GALR1: variants seen among roughly 807,000 people sequenced by gnomAD.
The protein encoded by GALR1 is galanin receptor 1, also known as galanin receptor type 1.
Under a neutral mutation model 17.9 loss-of-function variants are expected in GALR1, and 11 were observed. The ratio of observed to expected loss-of-function variants is 0.62; its 90% CI spans 0.39 to 1.02. The LOEUF is 1.02. GALR1 is among the 50% of genes least tolerant of loss of function. The pLI is 0.01. For missense variants in GALR1, 441 were observed against 456.9 expected, an observed-to-expected ratio of 0.97 and a Z score of 0.32; for synonymous variants, 206 against 205.7, an observed-to-expected ratio of 1.00 and a Z score of -0.01.
chr18:77,250,682 C>A lies in GALR1; in HGVS notation c.134C>A (p.Ala45Glu), dbSNP rs1912383078. The A allele has an allele frequency of 6.2e-7, 1 of 1,613,022 alleles. No homozygotes were observed. The highest frequency in any genetic ancestry group is 8.5e-7 in the Non-Finnish European group (1 of 1,179,860). The change falls in exon 1 of 3, where the codon GCG (alanine) becomes GAG (glutamate). Residue 45 changes from alanine (A) to glutamate (E), a missense_variant. Ala to Glu is a moderately radical substitution (Grantham distance 107, BLOSUM62 -1). Coordinates refer to ENST00000299727, the MANE Select transcript of GALR1 (RefSeq NM_001480.4). ...VTLVVFGLIF[A>E]LGVLGNSLVI... Reference sequence around the variant, plus strand: ...CTGGTGGTGTTCGGCCTGATCTTCGCGCTGGGTGTGCTGGGCAACAGCCTA... The same window carrying A: ...CTGGTGGTGTTCGGCCTGATCTTCGAGCTGGGTGTGCTGGGCAACAGCCTA...
Position 77,251,031 on chromosome 18 carries a change from G to A in GALR1, c.483G>A (p.Ala161=), listed in dbSNP as rs775956222. Residue 161 remains alanine, a synonymous_variant, in exon 1 of 3, where the codon GCG becomes GCA. Transcript: ENST00000299727. ...NALLGVGCIW[A]LSIAMASPVA... The stretch of plus-strand genomic sequence containing the variant: ...TGCTGGGCGTGGGCTGCATCTGGGC[G>A]CTGTCCATTGCCATGGCCTCGCCCG... 3.1e-6 allele frequency: 5 copies of A among 1,605,808 alleles called. No homozygotes were observed. In the South Asian group the frequency reaches 5.5e-5, roughly 18 times the overall value.
intron 2 of GALR1, among the ~76,000 whole-genome samples, 167 bp downstream of exon 2, chr18:77,256,390 C>G (rs563078544): frequency 6.6e-6 from 1 of 152,036 alleles, no homozygotes; most frequent in Non-Finnish European, 1.5e-5. Context: ...AATGGAGGGT[C>G]GGCCTTGGCA....
rs72978695 is a variant in GALR1 at position 77,255,245 on chromosome 18, C to G, written c.667-913C>G. Among the ~76,000 whole-genome samples the G allele has an allele frequency of 7.4e-3, 1,129 of 152,330 alleles. 9 individuals are homozygous for G. The highest frequency in any genetic ancestry group is 0.014 in the South Asian group (66 of 4,828). On this transcript the variant is annotated intron_variant, in intron 1 of 2. Transcript: ENST00000299727. The stretch of plus-strand genomic sequence containing the variant: ...GCAATGAACTTAAGTGACAGTTCTG[C>G]AGGCTTGACAACGTTGTCTAAGACC...
intron 2 of GALR1, among the ~76,000 whole-genome samples, chr18:77,262,595 T>C (rs2144963426): frequency 6.6e-6 from 1 of 152,332 alleles, no homozygotes; most frequent in East Asian, 1.9e-4. Flanking sequence ...CCTGTTTGCA[T>C]GGAGTTGGCT....
At position 77,250,136 on chromosome 18, in the gene GALR1, G is replaced by T. The variant is rs557416889; in HGVS notation, c.-413G>T. Among the ~76,000 whole-genome samples the T allele has an allele frequency of 1.6e-4, 25 of 152,196 alleles. No individual in the cohort carries two copies. Among genetic ancestry groups the T allele is most frequent in the Admixed American group, 1.6e-3 (24 of 15,290 alleles). On this transcript the variant is annotated 5_prime_UTR_variant, in exon 1 of 3. An upstream open reading frame in the 5' UTR gains an earlier in-frame stop. Coordinates refer to ENST00000299727, the MANE Select transcript of GALR1 (RefSeq NM_001480.4). ...CAGGTGCAGCACGCAGCCCCTCCGG[G>T]AGCCAGGGAAAACCGCCGGCGAAGA...
rs1252187180 is a variant in GALR1 at position 77,276,981 on chromosome 18, C to T, written c.*8079C>T. Reference sequence around the variant, plus strand: ...GCACCTATGCATTCAATTTGTTTCCCTCAAATGCTAAGGGTTAAAATAGTA... The same window carrying T: ...GCACCTATGCATTCAATTTGTTTCCTTCAAATGCTAAGGGTTAAAATAGTA... On this transcript the variant is annotated 3_prime_UTR_variant, in exon 3 of 3. Transcript: ENST00000299727. 3 of 152,086 alleles carry T rather than the reference C, an allele frequency of 2.0e-5. No individual in the cohort carries two copies. In the East Asian group the frequency reaches 5.8e-4, roughly 29 times the overall value. 9.4% of individuals were successfully genotyped at this position (152,086 alleles called of 1,614,324 possible).
rs1016207776 is a variant in GALR1, at chr18:77,277,447, C to T, written c.*8545C>T. 41 of 152,374 alleles carry T rather than the reference C, an allele frequency of 2.7e-4. No individual in the cohort carries two copies. Among genetic ancestry groups the T allele is most frequent in the African/African-American group, 9.4e-4 (39 of 41,564 alleles). 9.4% of individuals were successfully genotyped at this position (152,374 alleles called of 1,614,324 possible). A position where few individuals can be genotyped will look rare whatever the true frequency, so the allele number is the denominator to read the frequency against. On this transcript the variant is annotated 3_prime_UTR_variant, in exon 3 of 3. Transcript: ENST00000299727. ...ACATTCTCTCTTCGCCTGCTGCCAT[C>T]CATGTAAGATGTGACTTGCTCCTCC... is the stretch of plus-strand genomic sequence containing the variant.
intron 1 of GALR1, among the ~76,000 whole-genome samples, chr18:77,252,588 G>T (rs979705704): frequency 6.6e-6 from 1 of 152,038 alleles, no homozygotes; most frequent in Non-Finnish European, 1.5e-5. Context: ...TAAATATGAA[G>T]AAATACAGTA....
chr18:77,277,487 G>A lies in GALR1; in HGVS notation c.*8585G>A, dbSNP rs1248952815. On this transcript the variant is annotated 3_prime_UTR_variant, in exon 3 of 3. Coordinates refer to ENST00000299727, the MANE Select transcript of GALR1 (RefSeq NM_001480.4). ...CTTGCTCCTCCTTGCTCTCTGCCAT[G>A]ATTGTGAGGCTTCCCCACCACTTGG... is the stretch of plus-strand genomic sequence containing the variant. 1 of 152,206 alleles carries A rather than the reference G, an allele frequency of 6.6e-6. No homozygotes were observed. Among genetic ancestry groups the A allele is most frequent in the African/African-American group, 2.4e-5 (1 of 41,440 alleles). 9.4% of individuals were successfully genotyped at this position (152,206 alleles called of 1,614,324 possible).
In GALR1 at chr18:77,273,726, T is replaced by A. The variant is rs1440357313; in HGVS notation, c.*4824T>A. 1 of 152,204 alleles carries A rather than the reference T, an allele frequency of 6.6e-6. No homozygotes were observed. Among genetic ancestry groups the A allele is most frequent in the Non-Finnish European group, 1.5e-5 (1 of 68,030 alleles). The allele number at this position is 152,204 out of a possible 1,614,324, so 9.4% of individuals were successfully genotyped here. A position where few individuals can be genotyped will look rare whatever the true frequency, so the allele number is the denominator to read the frequency against. On this transcript the variant is annotated 3_prime_UTR_variant, in exon 3 of 3. Coordinates refer to ENST00000299727, the MANE Select transcript of GALR1 (RefSeq NM_001480.4). ...GAAATAACCTCAGCTGAATTTTCTC[T>A]CTGAATCTTTTCAATGTTGGCTCCA...
intron 1 of GALR1, among the ~76,000 whole-genome samples, chr18:77,252,807 C>G (rs1912449494): frequency 6.6e-6 from 1 of 151,052 alleles, no homozygotes; most frequent in South Asian, 2.1e-4. Context: ...GAAATCGTGC[C>G]ACTGAACTCT....
At chr18:77,259,327 TGGTGGC>T in intron 2 of GALR1, among the ~76,000 whole-genome samples, 1 of 137,562 alleles carries the variant, frequency 7.3e-6, no homozygotes, top group Non-Finnish European at 1.6e-5. Context: ...ATGGTGGTCA[TGGTGGC>T]GATTGTGGTG....
chr18:77,267,482 A>G (rs1043898413), intron 2 of GALR1, among the ~76,000 whole-genome samples: 1 of 152,320 alleles, frequency 6.6e-6, no homozygotes, highest in Non-Finnish European at 1.5e-5. Context: ...CATTCGGTGA[A>G]ATAATGCATG....
At chr18:77,255,126 C>T (rs1465796126) in intron 1 of GALR1, among the ~76,000 whole-genome samples, 1 of 152,194 alleles carries the variant, frequency 6.6e-6, no homozygotes, top group Non-Finnish European at 1.5e-5. Flanking sequence ...CTTCCGGTTC[C>T]TTGAGAGACT....
rs191176125 is a variant in GALR1, at chr18:77,272,737, A to G, written c.*3835A>G. ...GTAGATGTTAATGACTTGTTTAATTATTGACTTACTTATTTTAAAAGCTGT... is the reference window on the plus strand; with the variant it reads ...GTAGATGTTAATGACTTGTTTAATTGTTGACTTACTTATTTTAAAAGCTGT... On this transcript the variant is annotated 3_prime_UTR_variant, in exon 3 of 3. Transcript: ENST00000299727. 3 of 152,374 alleles carry G rather than the reference A, an allele frequency of 2.0e-5. No individual in the cohort carries two copies. The highest frequency in any genetic ancestry group is 2.1e-4 in the South Asian group (1 of 4,832). The allele number at this position is 152,374 out of a possible 1,614,324, so 9.4% of individuals were successfully genotyped here.
At chr18:77,257,448 G>A (rs1912616181) in intron 2 of GALR1, among the ~76,000 whole-genome samples, 1 of 152,044 alleles carries the variant, frequency 6.6e-6, no homozygotes, top group African/African-American at 2.4e-5. Flanking sequence ...TTCATTTTAG[G>A]CATCTAGGCC....
intron 2 of GALR1, among the ~76,000 whole-genome samples, chr18:77,261,700 C>T (rs775006343): frequency 6.6e-6 from 1 of 152,222 alleles, no homozygotes; most frequent in Non-Finnish European, 1.5e-5. Flanking sequence ...GGAGATGCTT[C>T]AGCCTTAGGG....
chr18:77,261,400 G>A (rs898323036), intron 2 of GALR1, among the ~76,000 whole-genome samples: 36 of 152,284 alleles, frequency 2.4e-4, no homozygotes, highest in Admixed American at 1.8e-3. Flanking sequence ...AAAGAATCAC[G>A]TCATAAATAA....
intron 1 of GALR1, among the ~76,000 whole-genome samples, 188 bp from the exon 2 acceptor site, chr18:77,255,970 A>G (rs1056205077): frequency 6.6e-6 from 1 of 152,150 alleles, no homozygotes; most frequent in Non-Finnish European, 1.5e-5. Flanking sequence ...GCTGCTCCTA[A>G]GTGTTAGAAA....
Sources: gnomAD v4.1 joint callset for allele counts (sites outside exome capture counted in the v4.1 genomes callset) on GRCh38, gnomAD v4.1.1 for gene constraint, MANE v1.5 for transcripts, NCBI Gene and HGNC (gene_info 2026-07-23, HGNC 2026-07-21) for gene names.